The following LRRC3B variants were observed in gnomAD, a reference collection of about 807,000 sequenced individuals.
The protein encoded by LRRC3B is leucine rich repeat containing 3B, also known as leucine-rich repeat-containing protein 3B.
In LRRC3B, 2 loss-of-function variants were observed where a neutral mutation model predicts 12.8. The observed-to-expected ratio is 0.16, with a 90% confidence interval of 0.06 to 0.49. The LOEUF is 0.49. Among genes scored for constraint, LRRC3B ranks in the 20% least tolerant of loss-of-function variants. The probability of loss-of-function intolerance (pLI) is 0.96; values close to 1 mark genes in which losing one functional copy is unlikely to be tolerated. For missense variants in LRRC3B, 189 were observed against 319.4 expected (o/e 0.59, Z 3.11); for synonymous variants, 132 against 122.0 (o/e 1.08, Z -0.54).
chr3:26,659,946 C>T lies in LRRC3B; in HGVS notation c.-161+36709C>T, dbSNP rs118136651. Reference sequence around the variant, plus strand: ...TAATTTCACCATAGAATTGTGCTCTCAGATGTAGCCCATAATTTTTCTTGT... The same window carrying T: ...TAATTTCACCATAGAATTGTGCTCTTAGATGTAGCCCATAATTTTTCTTGT... On this transcript the variant is annotated intron_variant, in intron 1 of 1. Coordinates refer to ENST00000396641, the Ensembl canonical transcript of LRRC3B. Among the ~76,000 whole-genome samples, 65 of 152,296 alleles carry T rather than the reference C, an allele frequency of 4.3e-4. 2 individuals are homozygous for T. The East Asian group carries it at 0.012, about 28-fold the overall frequency.
intron 1 of LRRC3B, among the ~76,000 whole-genome samples, chr3:26,630,036 A>G (rs1698721979): frequency 6.6e-6 from 1 of 152,012 alleles, no homozygotes; most frequent in Non-Finnish European, 1.5e-5. Flanking sequence ...AGTAAGACTA[A>G]GAGATATCTG....
intron 1 of LRRC3B, among the ~76,000 whole-genome samples, chr3:26,673,403 A>G (rs551337841): frequency 2.8e-4 from 42 of 152,336 alleles, no homozygotes; most frequent in African/African-American, 9.6e-4. Context: ...GGAGAAAAAA[A>G]TAGCACCAAG....
chr3:26,637,359 G>T (rs77782392), intron 1 of LRRC3B, among the ~76,000 whole-genome samples: 5,195 of 152,214 alleles, frequency 0.034, 167 homozygotes, highest in East Asian at 0.13. Context: ...GTTGTTGTTT[G>T]CTTCTCAACC....
intron 1 of LRRC3B, among the ~76,000 whole-genome samples, chr3:26,698,462 T>C (rs1049713668): frequency 4.6e-5 from 7 of 152,088 alleles, no homozygotes; most frequent in Admixed American, 4.6e-4. Flanking sequence ...ACCTTGGGTT[T>C]CCATTTTGTA....
rs187014556 is a variant in LRRC3B, at chr3:26,637,506, T to C, written c.-161+14269T>C. ...TGGATGGCAATGAAGAGGTCTTCTT[T>C]CCACTGAGTTGTAAATTGACCAGGA... On this transcript the variant is annotated intron_variant, in intron 1 of 1. Coordinates refer to ENST00000396641, the Ensembl canonical transcript of LRRC3B. Among the ~76,000 whole-genome samples the C allele has an allele frequency of 3.3e-5, 5 of 152,312 alleles. No homozygotes were observed. In the East Asian group the frequency reaches 9.7e-4, roughly 29 times the overall value.
intron 1 of LRRC3B, among the ~76,000 whole-genome samples, chr3:26,627,122 T>C (rs1698645382): frequency 6.6e-6 from 1 of 152,218 alleles, no homozygotes; most frequent in Admixed American, 6.5e-5. Flanking sequence ...CTCGCCTACC[T>C]GGCCCCTTCA....
chr3:26,632,229 G>T (rs144452561), intron 1 of LRRC3B, among the ~76,000 whole-genome samples: 2,034 of 152,360 alleles, frequency 0.013, 19 homozygotes, highest in Middle Eastern at 0.024. Context: ...GATGAAGAAG[G>T]TTCCTAAGAT....
chr3:26,659,008 T>A (rs750099448), intron 1 of LRRC3B, among the ~76,000 whole-genome samples: 1 of 152,132 alleles, frequency 6.6e-6, no homozygotes. Context: ...GCATTGGGAG[T>A]TTCAGGAAAT....
intron 1 of LRRC3B, among the ~76,000 whole-genome samples, chr3:26,661,476 T>C (rs1459260215): frequency 6.6e-6 from 1 of 152,210 alleles, no homozygotes; most frequent in African/African-American, 2.4e-5. Context: ...TTGTCGTGAA[T>C]TGTCATCATA....
At chr3:26,678,534 T>C (rs183215965) in intron 1 of LRRC3B, among the ~76,000 whole-genome samples, 5 of 150,968 alleles carry the variant, frequency 3.3e-5, no homozygotes, top group Admixed American at 3.3e-4. Context: ...TCCTGGTCAG[T>C]GCTGATGCCT....
intron 1 of LRRC3B, among the ~76,000 whole-genome samples, chr3:26,647,222 A>G (rs1699171457): frequency 6.6e-6 from 1 of 151,616 alleles, no homozygotes; most frequent in South Asian, 2.1e-4. Context: ...TCCCTCTGTC[A>G]CCCTCCAACA....
At chr3:26,703,408 C>G (rs546791587) in intron 1 of LRRC3B, among the ~76,000 whole-genome samples, 1 of 152,012 alleles carries the variant, frequency 6.6e-6, no homozygotes, top group Non-Finnish European at 1.5e-5. Flanking sequence ...AACCACCATC[C>G]CTTGCTTTTG....
At chr3:26,692,222 G>A (rs376810592) in intron 1 of LRRC3B, among the ~76,000 whole-genome samples, 17 of 152,088 alleles carry the variant, frequency 1.1e-4, no homozygotes, top group Admixed American at 4.6e-4. Flanking sequence ...GGTTACACTC[G>A]TTTTACAGGT....
chr3:26,663,269 C>T (rs986104433), intron 1 of LRRC3B, among the ~76,000 whole-genome samples: 7 of 152,206 alleles, frequency 4.6e-5, no homozygotes, highest in East Asian at 1.9e-4. Flanking sequence ...TTGGGGAATT[C>T]GTTTTGCAGC....
intron 1 of LRRC3B, among the ~76,000 whole-genome samples, chr3:26,671,369 T>G (rs191250465): frequency 0.097 from 3,652 of 37,696 alleles, 233 homozygotes; most frequent in East Asian, 0.22. Flanking sequence ...TATATATATA[T>G]ATATAGAGAG....
At chr3:26,661,568 A>T (rs1699492179) in intron 1 of LRRC3B, among the ~76,000 whole-genome samples, 1 of 152,200 alleles carries the variant, frequency 6.6e-6, no homozygotes, top group Admixed American at 6.5e-5. Flanking sequence ...CTTTATAAAC[A>T]TCATTTTAAT....
At chr3:26,654,094 C>A (rs755312253) in intron 1 of LRRC3B, among the ~76,000 whole-genome samples, 42 of 152,160 alleles carry the variant, frequency 2.8e-4, no homozygotes, top group Middle Eastern at 3.4e-3. Context: ...TAATAACCTG[C>A]AAAATAATGG....
intron 1 of LRRC3B, among the ~76,000 whole-genome samples, chr3:26,690,111 G>A (rs1435417370): frequency 6.6e-6 from 1 of 152,210 alleles, no homozygotes; most frequent in Non-Finnish European, 1.5e-5. Context: ...ACCAAAAACA[G>A]GTTTGTTGAG....
intron 1 of LRRC3B, among the ~76,000 whole-genome samples, chr3:26,646,686 C>T (rs1699158087): frequency 6.9e-6 from 1 of 144,792 alleles, no homozygotes; most frequent in African/African-American, 2.5e-5. Context: ...AAAAATCACT[C>T]AAGAGATAGG....
Sources: gnomAD v4.1 joint callset for allele counts (sites outside exome capture counted in the v4.1 genomes callset) on GRCh38, gnomAD v4.1.1 for gene constraint, MANE v1.5 for transcripts, NCBI Gene and HGNC (gene_info 2026-07-23, HGNC 2026-07-21) for gene names.